The following DOCK10 variants were observed in gnomAD, a reference collection of about 807,000 sequenced individuals.
DOCK10 encodes the protein dedicator of cytokinesis 10.
DOCK10 carries 145 observed loss-of-function variants against 280.1 expected under a neutral mutation model. The ratio of observed to expected loss-of-function variants is 0.52; its 90% CI spans 0.45 to 0.59. The LOEUF is 0.59. Ranked by LOEUF, DOCK10 falls within the 20% of genes least tolerant of loss-of-function variation. The pLI is 0.00. For missense variants in DOCK10, 2,368 were observed against 2,651.7 expected (o/e 0.89, Z 2.35); for synonymous variants, 915 against 942.2 (o/e 0.97, Z 0.53).
chr2:224,931,550 G>A lies in DOCK10; in HGVS notation c.242C>T (p.Ser81Leu), dbSNP rs371339923. Residue 81 changes from serine to leucine, a missense_variant and splice_region_variant, in exon 2 of 56, where the codon TCA becomes TTA. Around this residue, in one of 2 missense-constraint regions of DOCK10, gnomAD observed 1,209 missense variants for 1,250.9 expected, o/e 0.97. Transcript: ENST00000258390. ...DLLFFPSDDFSAATVSWDIRT... is the reference protein window; with the variant it reads ...DLLFFPSDDFLAATVSWDIRT... ...ATGGCTTGAGAAGAGAAGACTTACT[G>A]AAAAGTCATCACTGGGGAAGAACAA... The A allele has an allele frequency of 7.5e-6, 12 of 1,606,338 alleles. No homozygotes were observed. In the East Asian group the frequency reaches 8.9e-5, roughly 12 times the overall value.
chr2:225,000,241 CACAT>C (rs1254508665), intron 1 of DOCK10, among the ~76,000 whole-genome samples: 1 of 151,874 alleles, frequency 6.6e-6, no homozygotes, highest in African/African-American at 2.4e-5. Flanking sequence ...CACACACACA[CACAT>C]GCAATTACTG....
chr2:224,804,977 G>T, intron 37 of DOCK10, 81 bp downstream of exon 37: 1 of 1,339,334 alleles, frequency 7.5e-7, no homozygotes, highest in African/African-American at 1.5e-5. Flanking sequence ...TACTATATGG[G>T]TTCTTGAAAT....
chr2:224,794,772 G>T, intron 45 of DOCK10, 107 bp downstream of exon 45: 1 of 1,069,972 alleles, frequency 9.3e-7, no homozygotes, highest in Non-Finnish European at 1.4e-6. Context: ...TTCTAGATTA[G>T]TTGAAAAACA....
chr2:224,845,710 G>A (rs1696304698), intron 19 of DOCK10, 68 bp from the exon 20 acceptor site: 5 of 1,426,020 alleles, frequency 3.5e-6, no homozygotes, highest in East Asian at 4.6e-5. Flanking sequence ...GCAAGACAAA[G>A]CATAGCTTTT....
At chr2:224,922,076 G>A (rs1331957330) in intron 2 of DOCK10, among the ~76,000 whole-genome samples, 3 of 141,484 alleles carry the variant, frequency 2.1e-5, no homozygotes, top group Non-Finnish European at 3.0e-5. Context: ...TCGAGATGGC[G>A]CCACTGTACT....
chr2:224,994,327 TC>T (rs1706207995), intron 1 of DOCK10, among the ~76,000 whole-genome samples: 2 of 152,222 alleles, frequency 1.3e-5, no homozygotes, highest in African/African-American at 4.8e-5. Flanking sequence ...TTAACTCCTC[TC>T]AACCTTCACA....
chr2:224,842,009 A>T, intron 22 of DOCK10, 113 bp from the exon 23 acceptor site: 3 of 759,664 alleles, frequency 3.9e-6, no homozygotes, highest in Non-Finnish European at 6.8e-6. Context: ...CTCGAAGTGC[A>T]AATGCTTTAT....
chr2:224,780,097 G>C (rs1691204309), intron 50 of DOCK10, among the ~76,000 whole-genome samples: 1 of 152,166 alleles, frequency 6.6e-6, no homozygotes, highest in African/African-American at 2.4e-5. Flanking sequence ...TTTAAATAAA[G>C]ATGTTTTTAT....
At chr2:224,886,870 G>A (rs1467811043) in intron 4 of DOCK10, among the ~76,000 whole-genome samples, 3 of 147,864 alleles carry the variant, frequency 2.0e-5, no homozygotes, top group African/African-American at 7.9e-5. Context: ...TTCTCATGCT[G>A]CATGCAGCAC....
intron 25 of DOCK10, among the ~76,000 whole-genome samples, chr2:224,834,522 C>T (rs184854359): frequency 4.8e-4 from 73 of 152,270 alleles, no homozygotes; most frequent in South Asian, 3.5e-3. Flanking sequence ...CCATTTAGCA[C>T]GTTCAAGGAA....
At chr2:225,024,906 A>G (rs1184056438) in intron 1 of DOCK10, among the ~76,000 whole-genome samples, 5 of 151,842 alleles carry the variant, frequency 3.3e-5, no homozygotes, top group Admixed American at 1.3e-4. Flanking sequence ...AAAAAAAGAA[A>G]AAGAAAAAAA....
chr2:224,957,734 T>C (rs1222036533), intron 1 of DOCK10, among the ~76,000 whole-genome samples: 1 of 152,156 alleles, frequency 6.6e-6, no homozygotes, highest in African/African-American at 2.4e-5. Context: ...GTGCCCTCTT[T>C]CACTTCTCTA....
intron 1 of DOCK10, among the ~76,000 whole-genome samples, chr2:225,002,853 G>A (rs987390181): frequency 6.6e-6 from 1 of 152,112 alleles, no homozygotes; most frequent in African/African-American, 2.4e-5. Flanking sequence ...AAAGAAAAAA[G>A]CCAGCAGGTG....
In DOCK10 at chr2:224,823,626, G is replaced by A. The variant is rs755975147; in HGVS notation, c.3058C>T (p.Pro1020Ser). 1 of 1,600,668 alleles carries A rather than the reference G, an allele frequency of 6.2e-7. No homozygotes were observed. Among genetic ancestry groups the A allele is most frequent in the Non-Finnish European group, 8.5e-7 (1 of 1,175,638 alleles). The change falls in exon 28 of 56, where the codon CCT becomes TCT. Residue 1020 changes from proline (P) to serine (S), a missense_variant. Physicochemically the swap from Pro to Ser is moderately conservative, Grantham distance 74. Transcript: ENST00000258390. ...KIQLPRPQRF[P>S]ESYQNELDNL... is the part of the protein sequence containing the mutation. ...TCCAATTCATTTTGGTAAGATTCAG[G>A]AAATCTCTGAGGCCGGGGAAGCTAA...
At chr2:224,843,401 A>C (rs1297100448) in intron 22 of DOCK10, among the ~76,000 whole-genome samples, 1 of 152,164 alleles carries the variant, frequency 6.6e-6, no homozygotes, top group Non-Finnish European at 1.5e-5. Context: ...GAAACTGAGG[A>C]GCTGCTGAGA....
chr2:224,885,029 T>C (rs1008637543), intron 7 of DOCK10, among the ~76,000 whole-genome samples: 2 of 152,188 alleles, frequency 1.3e-5, no homozygotes, highest in African/African-American at 2.4e-5. Flanking sequence ...AGACAGAGTC[T>C]CTCTCTGTCA....
In DOCK10 at chr2:224,805,195, A is replaced by T; in HGVS notation, c.4051+11T>A. On this transcript the variant is annotated intron_variant, in intron 36 of 55. Transcript: ENST00000258390. The surrounding 1 kb of genome is among the most constrained non-coding windows in gnomAD (Gnocchi z 4.3). ...TTCCTTTTTTCAAAAAAATTAAAGA[A>T]TTCTCTTTACCGTACGAAATCGTTT... 6.2e-7 allele frequency: 1 copy of T among 1,602,594 alleles called. No individual in the cohort carries two copies. Among genetic ancestry groups the T allele is most frequent in the Non-Finnish European group, 8.5e-7 (1 of 1,175,836 alleles).
intron 1 of DOCK10, among the ~76,000 whole-genome samples, chr2:225,001,277 T>G (rs2126284845): frequency 6.7e-6 from 1 of 148,964 alleles, no homozygotes; most frequent in African/African-American, 2.5e-5. Flanking sequence ...TACACAACAA[T>G]ATACAACAGA....
intron 31 of DOCK10, among the ~76,000 whole-genome samples, chr2:224,809,654 T>C (rs1400081383): frequency 6.6e-6 from 1 of 152,082 alleles, no homozygotes; most frequent in Non-Finnish European, 1.5e-5. Context: ...AAAACCACAA[T>C]GCACTATTAC....
Sources: gnomAD v4.1 joint callset for allele counts (sites outside exome capture counted in the v4.1 genomes callset) on GRCh38, gnomAD v4.1.1 for gene constraint, gnomAD v4.1.1 regional missense constraint, Gnocchi (gnomAD v3.1) non-coding constraint, MANE v1.5 for transcripts, NCBI Gene and HGNC (gene_info 2026-07-23, HGNC 2026-07-21) for gene names.